SCAPER: variants seen among roughly 807,000 people sequenced by gnomAD.
SCAPER encodes the protein S phase cyclin A-associated protein in the endoplasmic reticulum.
Under a neutral mutation model 182.2 loss-of-function variants are expected in SCAPER, and 98 were observed. The observed-to-expected ratio is 0.54, with a 90% confidence interval of 0.46 to 0.64. SCAPER has a LOEUF of 0.64. SCAPER is among the 30% of genes least tolerant of loss of function. The pLI is 0.00. For missense variants in SCAPER, 1,432 were observed against 1,690.0 expected, an observed-to-expected ratio of 0.85 and a Z score of 2.68; for synonymous variants, 605 against 564.6, an observed-to-expected ratio of 1.07 and a Z score of -1.01.
chr15:76,424,394 A>G (rs2046271164), intron 26 of SCAPER, among the ~76,000 whole-genome samples: 1 of 151,830 alleles, frequency 6.6e-6, no homozygotes, highest in Non-Finnish European at 1.5e-5. Context: ...GTCTCTTTTG[A>G]TCTTTGTTGG....
At chr15:76,450,853 C>A (rs1326242330) in intron 25 of SCAPER, among the ~76,000 whole-genome samples, 1 of 152,220 alleles carries the variant, frequency 6.6e-6, no homozygotes, top group Non-Finnish European at 1.5e-5. Context: ...TGCACCTGGC[C>A]TGTAAACACA....
chr15:76,595,914 A>G (rs1281064426), intron 22 of SCAPER, among the ~76,000 whole-genome samples: 1 of 121,618 alleles, frequency 8.2e-6, no homozygotes, highest in African/African-American at 2.5e-5. Flanking sequence ...CTGAGAAGCA[A>G]GAGCAAACAA....
At chr15:76,733,089 T>G in intron 16 of SCAPER, 140 bp downstream of exon 16, 1 of 808,182 alleles carries the variant, frequency 1.2e-6, no homozygotes, top group Non-Finnish European at 1.9e-6. Flanking sequence ...CCAGCTGTCT[T>G]TTATTTCTTT....
At chr15:76,726,436 GA>G (rs1167145410) in intron 17 of SCAPER, among the ~76,000 whole-genome samples, 1 of 151,288 alleles carries the variant, frequency 6.6e-6, no homozygotes, top group Non-Finnish European at 1.5e-5. Flanking sequence ...CAGCTGCTAT[GA>G]AAAACAGTAG....
chr15:76,876,356 G>A (rs1366372821), intron 2 of SCAPER, among the ~76,000 whole-genome samples: 1 of 150,826 alleles, frequency 6.6e-6, no homozygotes, highest in Non-Finnish European at 1.5e-5. Flanking sequence ...TGCGAGGGCT[G>A]CCAGCACGCT....
chr15:76,877,487 A>C (rs1445416858), intron 2 of SCAPER, among the ~76,000 whole-genome samples: 1 of 152,198 alleles, frequency 6.6e-6, no homozygotes, highest in African/African-American at 2.4e-5. Flanking sequence ...TACTAATATC[A>C]AAAGAGAAAA....
chr15:76,762,956 C>T (rs959455676), intron 14 of SCAPER, among the ~76,000 whole-genome samples: 1 of 152,180 alleles, frequency 6.6e-6, no homozygotes, highest in Non-Finnish European at 1.5e-5. Context: ...CACACACAGC[C>T]TTCTTTAAAG....
At chr15:76,845,858 A>T (rs1052283411) in intron 4 of SCAPER, among the ~76,000 whole-genome samples, 1 of 152,096 alleles carries the variant, frequency 6.6e-6, no homozygotes, top group Admixed American at 6.6e-5. Context: ...AAATATATAC[A>T]GAACCACAAA....
At chr15:76,381,669 A>G (rs2042950566) in intron 27 of SCAPER, 54 bp from the exon 28 acceptor site, 1 of 1,353,388 alleles carries the variant, frequency 7.4e-7, no homozygotes, top group Admixed American at 2.0e-5. Context: ...GATGTTAGCA[A>G]TTTGTATAGG....
intron 25 of SCAPER, among the ~76,000 whole-genome samples, chr15:76,456,520 A>T (rs2117369): frequency 0.4 from 60,472 of 152,074 alleles, 14,309 homozygotes; most frequent in Middle Eastern, 0.55. Flanking sequence ...CATATAGTGT[A>T]TCTTGAACAT....
chr15:76,891,603 C>T (rs547468077), intron 1 of SCAPER, among the ~76,000 whole-genome samples: 5 of 152,260 alleles, frequency 3.3e-5, no homozygotes, highest in African/African-American at 9.6e-5. Flanking sequence ...ATCCAACTTA[C>T]AAGGGATTTT....
intron 4 of SCAPER, among the ~76,000 whole-genome samples, chr15:76,853,696 C>T (rs543392891): frequency 6.6e-6 from 1 of 152,310 alleles, no homozygotes; most frequent in South Asian, 2.1e-4. Context: ...TATGACAAAG[C>T]CACAGCCAAC....
At chr15:76,638,555 G>A (rs1236206392) in intron 21 of SCAPER, among the ~76,000 whole-genome samples, 1 of 152,060 alleles carries the variant, frequency 6.6e-6, no homozygotes, top group Non-Finnish European at 1.5e-5. Context: ...TCTGTTAAGA[G>A]GTTTTTCTGT....
rs567616915 is a variant in SCAPER, at chr15:76,602,551, C to T, written c.2711+19213G>A. 4.2e-5 allele frequency among the ~76,000 whole-genome samples: 5 copies of T among 120,472 alleles called. No homozygotes were observed. In the East Asian group the frequency reaches 1.1e-3, roughly 27 times the overall value. The allele number at this position is 120,472 out of a possible 152,430, so 79.0% of individuals were successfully genotyped here. Reference sequence around the variant, plus strand: ...TTTTGTTTTTGTTTTTTGGGGGAAGCATTTATCTTGCTTGGTATTCTCCTA... The same window carrying T: ...TTTTGTTTTTGTTTTTTGGGGGAAGTATTTATCTTGCTTGGTATTCTCCTA... On this transcript the variant is annotated intron_variant, in intron 22 of 31. Transcript: ENST00000563290.
Position 76,646,448 on chromosome 15 carries a change from T to C in SCAPER, c.2645+19205A>G, listed in dbSNP as rs143948276. On this transcript the variant is annotated intron_variant, in intron 21 of 31. Coordinates refer to ENST00000563290, the MANE Select transcript of SCAPER (RefSeq NM_020843.4). ...CCAGCTATTATACAGTGAAAAACTA[T>C]GAATTCCCATGCTGCTCTTTCAGCT... 3.3e-5 allele frequency among the ~76,000 whole-genome samples: 5 copies of C among 152,310 alleles called. No homozygotes were observed. In the South Asian group the frequency reaches 8.3e-4, roughly 25 times the overall value.
At chr15:76,702,760 G>T in intron 19 of SCAPER, 90 bp downstream of exon 19, 2 of 1,456,946 alleles carry the variant, frequency 1.4e-6, no homozygotes, top group Non-Finnish European at 1.9e-6. Flanking sequence ...GCCTTAGCGT[G>T]AGTTTTAAAA....
chr15:76,392,534 G>A (rs770943790), intron 27 of SCAPER, among the ~76,000 whole-genome samples: 1 of 151,362 alleles, frequency 6.6e-6, no homozygotes, highest in South Asian at 2.1e-4. Context: ...CCAGGAGTTC[G>A]ACACCAGCCT....
intron 23 of SCAPER, among the ~76,000 whole-genome samples, chr15:76,529,289 A>C (rs1597217223): frequency 6.6e-6 from 1 of 152,098 alleles, no homozygotes; most frequent in African/African-American, 2.4e-5. Context: ...CAAGTGATCC[A>C]CCCGCCTAAG....
At chr15:76,800,024 A>G (rs759150372) in intron 7 of SCAPER, among the ~76,000 whole-genome samples, 17 of 151,566 alleles carry the variant, frequency 1.1e-4, no homozygotes, top group Non-Finnish European at 2.4e-4. Flanking sequence ...AAAACCTTCC[A>G]TCAGATCTAG....
Sources: allele counts gnomAD v4.1 joint callset (sites outside exome capture counted in the v4.1 genomes callset), GRCh38; gene constraint gnomAD v4.1.1; transcripts MANE v1.5; gene names NCBI Gene and HGNC (gene_info 2026-07-23, HGNC 2026-07-21).